The following FIP1L1 variants were observed in gnomAD, a reference collection of about 807,000 sequenced individuals.
FIP1L1 encodes pre-mRNA 3'-end-processing factor FIP1.
A neutral mutation model predicts 84.6 loss-of-function variants in FIP1L1; 21 were observed. That is an observed-to-expected ratio of 0.25 (90% CI 0.18 to 0.36). The LOEUF (loss-of-function observed/expected upper bound fraction) is 0.36. FIP1L1 is among the 10% of genes least tolerant of loss of function. The pLI, the probability that FIP1L1 is intolerant of heterozygous loss-of-function variation, is 1.00. For missense variants in FIP1L1, 526 were observed against 751.1 expected, an observed-to-expected ratio of 0.70 and a Z score of 3.50; for synonymous variants, 263 against 242.3, an observed-to-expected ratio of 1.09 and a Z score of -0.80.
At chr4:53,408,129 G>A (rs1224547025) in intron 10 of FIP1L1, among the ~76,000 whole-genome samples, 1 of 152,162 alleles carries the variant, frequency 6.6e-6, no homozygotes, top group Non-Finnish European at 1.5e-5. Flanking sequence ...GCAGTGGCTG[G>A]TACTGGTTGT....
chr4:53,382,125 A>G (rs1738395557), intron 3 of FIP1L1, among the ~76,000 whole-genome samples, 153 bp from the exon 4 acceptor site: 1 of 152,150 alleles, frequency 6.6e-6, no homozygotes, highest in Non-Finnish European at 1.5e-5. Context: ...GTTACTAGAA[A>G]TAACGGAATA....
chr4:53,452,334 T>C (rs1274537189), intron 15 of FIP1L1, among the ~76,000 whole-genome samples: 2 of 152,170 alleles, frequency 1.3e-5, no homozygotes, highest in Non-Finnish European at 2.9e-5. Context: ...TTTTTTTCTT[T>C]TTTTGAGATA....
rs562865180 is a variant in FIP1L1, at chr4:53,454,750, A to T, written c.1499+1617A>T. On this transcript the variant is annotated intron_variant, in intron 16 of 17. Transcript: ENST00000337488. The stretch of plus-strand genomic sequence containing the variant: ...ACTTCAACTTAAAAACACCAGCTAC[A>T]TTAAGGAACAATGCATTAGGAAACA... Among the ~76,000 whole-genome samples the T allele has an allele frequency of 5.3e-5, 8 of 152,326 alleles. No homozygotes were observed. The East Asian group carries it at 1.3e-3, about 26-fold the overall frequency.
At chr4:53,407,019 C>G (rs1426134366) in intron 10 of FIP1L1, among the ~76,000 whole-genome samples, 1 of 152,136 alleles carries the variant, frequency 6.6e-6, no homozygotes, top group Non-Finnish European at 1.5e-5. Context: ...TTCAGTTCTG[C>G]TCTGATCTTA....
At chr4:53,421,024 C>T (rs1383929672) in intron 11 of FIP1L1, among the ~76,000 whole-genome samples, 2 of 152,050 alleles carry the variant, frequency 1.3e-5, no homozygotes, top group East Asian at 3.9e-4. Flanking sequence ...GATGCTGGGT[C>T]CCAGAAATGT....
intron 13 of FIP1L1, among the ~76,000 whole-genome samples, chr4:53,433,860 C>G (rs2150102272): frequency 6.6e-6 from 1 of 151,800 alleles, no homozygotes; most frequent in East Asian, 1.9e-4. Flanking sequence ...TCTGGCTAAT[C>G]ATCTAGTACT....
chr4:53,386,852 C>T (rs932499278), intron 5 of FIP1L1, among the ~76,000 whole-genome samples: 2 of 152,100 alleles, frequency 1.3e-5, no homozygotes, highest in Non-Finnish European at 2.9e-5. Context: ...AGTCTTTTAG[C>T]TGCCCAAAGC....
chr4:53,447,410 T>A (rs1774682840), intron 15 of FIP1L1, among the ~76,000 whole-genome samples: 1 of 152,162 alleles, frequency 6.6e-6, no homozygotes, highest in Non-Finnish European at 1.5e-5. Flanking sequence ...TAGTGCGTCT[T>A]TCTAAGCCTT....
chr4:53,393,751 G>T (rs1303437302), intron 9 of FIP1L1, among the ~76,000 whole-genome samples: 2 of 118,770 alleles, frequency 1.7e-5, no homozygotes, highest in African/African-American at 3.2e-5. Flanking sequence ...CATATGCATA[G>T]ATTTTCCCCC....
At chr4:53,399,454 A>C (rs746384587) in intron 9 of FIP1L1, among the ~76,000 whole-genome samples, 5 of 152,234 alleles carry the variant, frequency 3.3e-5, no homozygotes, top group Admixed American at 6.5e-5. Context: ...ATCTGCAGGA[A>C]TTTATGAAAG....
At chr4:53,382,422 C>T (rs2149278368) in intron 4 of FIP1L1, 87 bp downstream of exon 4, 2 of 1,033,024 alleles carry the variant, frequency 1.9e-6, no homozygotes, top group Non-Finnish European at 3.0e-6. Context: ...TGGCATTTTA[C>T]ATTACCTTCA....
In FIP1L1 at chr4:53,377,856, C is replaced by G. The variant is rs1735372970; in HGVS notation, c.18C>G (p.Val6=). Residue 6 remains valine (V), a synonymous_variant, in exon 1 of 18, where the codon GTC becomes GTG. Coordinates refer to ENST00000337488, the MANE Select transcript of FIP1L1 (RefSeq NM_030917.4). MSAGE[V]ERLVSELSGG... ...GGGCGGCCATGTCGGCCGGCGAGGT[C>G]GAGCGCCTAGTGTCGGAGCTGAGCG... 1 of 1,592,252 alleles carries G rather than the reference C, an allele frequency of 6.3e-7. No homozygotes were observed. Among genetic ancestry groups the G allele is most frequent in the African/African-American group, 1.3e-5 (1 of 74,296 alleles).
intron 11 of FIP1L1, among the ~76,000 whole-genome samples, chr4:53,417,354 A>C (rs1260053253): frequency 6.6e-6 from 1 of 152,164 alleles, no homozygotes; most frequent in Non-Finnish European, 1.5e-5. Flanking sequence ...GAAAATTCCA[A>C]AAATAGCCTG....
intron 10 of FIP1L1, 107 bp from the exon 11 acceptor site, chr4:53,414,508 T>G: frequency 1.5e-6 from 1 of 656,538 alleles, no homozygotes; most frequent in Non-Finnish European, 2.6e-6. Flanking sequence ...TGTAGGAACA[T>G]ACTAAAAGAC....
At chr4:53,404,847 T>G (rs1444094462) in intron 10 of FIP1L1, among the ~76,000 whole-genome samples, 2 of 152,016 alleles carry the variant, frequency 1.3e-5, no homozygotes, top group East Asian at 3.8e-4. Context: ...TCACCCACTT[T>G]TTGATGGGGT....
Position 53,436,961 on chromosome 4 carries a change from G to A in FIP1L1, c.1175-5692G>A, listed in dbSNP as rs567277381. Among the ~76,000 whole-genome samples the A allele has an allele frequency of 5.4e-4, 82 of 152,116 alleles. 2 individuals are homozygous for A. Among genetic ancestry groups the A allele is most frequent in the Admixed American group, 2.1e-3 (32 of 15,272 alleles). ...TCCCAGCACTTTGAGAGGCCAAGGC[G>A]GGTAGATTGCTTGAGTTCAGGAGTT... On this transcript the variant is annotated intron_variant, in intron 13 of 17. Transcript: ENST00000337488.
chr4:53,419,694 C>CT (rs1327255326), intron 11 of FIP1L1, among the ~76,000 whole-genome samples: 1 of 152,122 alleles, frequency 6.6e-6, no homozygotes, highest in Non-Finnish European at 1.5e-5. Context: ...CTGCCTCGGC[C>CT]TACTCCCAAA....
Position 53,428,122 on chromosome 4 carries a change from T to G in FIP1L1, c.1113T>G (p.Pro371=). Residue 371 remains proline (P), a synonymous_variant, in exon 13 of 18, where the codon CCT becomes CCG. Transcript: ENST00000337488. The part of the protein sequence containing the change: ...PPGAPPTHLP[P]PPFLPPPPTV... ...GAGCTCCTCCCACTCACCTTCCACC[T>G]CCTCCATTTCTTCCACCTCCTCCGA... 6.2e-7 allele frequency: 1 copy of G among 1,608,512 alleles called. No individual in the cohort carries two copies. The highest frequency in any genetic ancestry group is 8.5e-7 in the Non-Finnish European group (1 of 1,176,144).
rs377435788 is a variant in FIP1L1 at position 53,408,307 on chromosome 4, A to G, written c.816-6308A>G. Among the ~76,000 whole-genome samples, 95 of 152,318 alleles carry G rather than the reference A, an allele frequency of 6.2e-4. 2 individuals are homozygous for G. The South Asian group carries it at 0.019, about 30-fold the overall frequency. On this transcript the variant is annotated intron_variant, in intron 10 of 17. Coordinates refer to ENST00000337488, the MANE Select transcript of FIP1L1 (RefSeq NM_030917.4). ...GGGTTGAAAATTCTTTCCTTTAAGA[A>G]TGTTGAATATTGGCCCCCACTCTCT...
Sources: allele counts gnomAD v4.1 joint callset (sites outside exome capture counted in the v4.1 genomes callset), GRCh38; gene constraint gnomAD v4.1.1; transcripts MANE v1.5; gene names NCBI Gene and HGNC (gene_info 2026-07-23, HGNC 2026-07-21).